The following NUP210 variants were observed in gnomAD, a reference collection of about 807,000 sequenced individuals.
The protein encoded by NUP210 is nucleoporin 210.
In NUP210, 151 loss-of-function variants were observed where a neutral mutation model predicts 196.0. The ratio of observed to expected loss-of-function variants is 0.77; its 90% CI spans 0.67 to 0.88. The LOEUF (loss-of-function observed/expected upper bound fraction) is 0.88, where lower values mean the gene tolerates loss of function less well. Ranked by LOEUF, NUP210 falls within the 40% of genes least tolerant of loss-of-function variation. The pLI is 0.00. For synonymous variants in NUP210, 1,070 were observed against 1,052.7 expected (o/e 1.02, Z -0.32); for missense variants, 2,314 against 2,493.7 (o/e 0.93, Z 1.53).
At position 13,378,955 on chromosome 3, in the gene NUP210, C is replaced by T. The variant is rs1699014474; in HGVS notation, c.1002G>A (p.Arg334=). 1.2e-6 allele frequency: 2 copies of T among 1,613,978 alleles called. No individual in the cohort carries two copies. The highest frequency in any genetic ancestry group is 1.3e-5 in the African/African-American group (1 of 74,918). ...CCACGTAGATAGTGCTGTTGGGTAA[C>T]CTAGAAGCACCTTGCATGCGAATAC... ...HRSIRMQGAS[R]LPNSTIYVVE... The change falls in exon 8 of 40, where the codon AGG becomes AGA. Residue 334 remains arginine, a synonymous_variant. Coordinates refer to ENST00000254508, the MANE Select transcript of NUP210 (RefSeq NM_024923.4).
At chr3:13,351,262 A>C (rs1324761149) in intron 20 of NUP210, among the ~76,000 whole-genome samples, 1 of 152,242 alleles carries the variant, frequency 6.6e-6, no homozygotes, top group South Asian at 2.1e-4. Flanking sequence ...AAAATAGAGA[A>C]AGGTGAGACA....
Position 13,384,650 on chromosome 3 carries a change from T to C in NUP210, c.817+1625A>G, listed in dbSNP as rs144234829. On this transcript the variant is annotated intron_variant, in intron 6 of 39. Coordinates refer to ENST00000254508, the MANE Select transcript of NUP210 (RefSeq NM_024923.4). The stretch of plus-strand genomic sequence containing the variant: ...GAGGAAATGTTCAGTCATGGTTAGG[T>C]GCTGTCAGCAGTGACTAGGCTCTCC... Among the ~76,000 whole-genome samples the C allele has an allele frequency of 3.3e-4, 51 of 152,364 alleles. No individual in the cohort carries two copies. In the East Asian group the frequency reaches 9.4e-3, roughly 28 times the overall value.
chr3:13,318,978 T>G, intron 39 of NUP210, 94 bp downstream of exon 39: 7 of 1,245,336 alleles, frequency 5.6e-6, no homozygotes, highest in African/African-American at 1.5e-5. Flanking sequence ...AAGGGCCTGT[T>G]GAGACTTAGG....
At chr3:13,338,083 G>C (rs961881201) in intron 25 of NUP210, among the ~76,000 whole-genome samples, 166 bp from the exon 26 acceptor site, 1 of 152,210 alleles carries the variant, frequency 6.6e-6, no homozygotes, top group African/African-American at 2.4e-5. Context: ...CTGGCTTTGT[G>C]AGTGGCTCTC....
At chr3:13,332,174 G>C in intron 29 of NUP210, 119 bp downstream of exon 29, 1 of 760,954 alleles carries the variant, frequency 1.3e-6, no homozygotes, top group Non-Finnish European at 2.3e-6. Context: ...CCCATTCCAA[G>C]CACAGCAGGA....
intron 10 of NUP210, 77 bp from the exon 11 acceptor site, chr3:13,375,718 C>T (rs1418699236): frequency 5.4e-6 from 8 of 1,491,450 alleles, no homozygotes; most frequent in South Asian, 2.4e-5. Context: ...CGGACCCCCA[C>T]CCCTCCCTGG....
chr3:13,359,437 C>A (rs925066040), intron 15 of NUP210, among the ~76,000 whole-genome samples: 1 of 152,196 alleles, frequency 6.6e-6, no homozygotes. Context: ...CACCAGGCAT[C>A]TTTTCTGGCC....
chr3:13,366,807 G>A (rs112249754), intron 13 of NUP210, among the ~76,000 whole-genome samples: 5,161 of 150,114 alleles, frequency 0.034, 126 homozygotes, highest in East Asian at 0.077. Context: ...ATGAGCCACC[G>A]CACCCGGCCC....
At chr3:13,342,247 G>C in intron 21 of NUP210, 124 bp from the exon 22 acceptor site, 1 of 1,228,584 alleles carries the variant, frequency 8.1e-7, no homozygotes, top group Non-Finnish European at 1.1e-6. Context: ...AATCAGGAGA[G>C]TCACCCAGGT....
At chr3:13,318,087 C>T (rs1052519993) in intron 39 of NUP210, among the ~76,000 whole-genome samples, 1 of 152,228 alleles carries the variant, frequency 6.6e-6, no homozygotes, top group African/African-American at 2.4e-5. Flanking sequence ...CCCCGTGCAT[C>T]TGAATGCAAT....
intron 15 of NUP210, among the ~76,000 whole-genome samples, chr3:13,358,849 A>T (rs1698276080): frequency 6.6e-6 from 1 of 152,234 alleles, no homozygotes; most frequent in African/African-American, 2.4e-5. Flanking sequence ...TCTGCAGGAC[A>T]ACGCCCAGGA....
chr3:13,338,152 G>T (rs1697306148), intron 25 of NUP210, among the ~76,000 whole-genome samples: 1 of 152,194 alleles, frequency 6.6e-6, no homozygotes, highest in Non-Finnish European at 1.5e-5. Context: ...CCAGTCCCCT[G>T]AGGCTGCTGC....
intron 6 of NUP210, among the ~76,000 whole-genome samples, chr3:13,383,040 G>A (rs564073166): frequency 6.6e-6 from 1 of 152,058 alleles, no homozygotes; most frequent in African/African-American, 2.4e-5. Flanking sequence ...GCTACTCAGG[G>A]GTGTGAGGTG....
At chr3:13,321,931 A>G in intron 35 of NUP210, 96 bp from the exon 36 acceptor site, 2 of 1,506,386 alleles carry the variant, frequency 1.3e-6, no homozygotes, top group Non-Finnish European at 1.8e-6. Context: ...ATTCCTATGC[A>G]TCCTCCAAAG....
chr3:13,330,315 A>G (rs1200528024), intron 30 of NUP210, 145 bp downstream of exon 30: 1 of 738,788 alleles, frequency 1.4e-6, no homozygotes, highest in Admixed American at 2.4e-5. Flanking sequence ...TTATCTACCT[A>G]GGACCTTTGC....
At chr3:13,333,508 G>A (rs1006984945) in intron 28 of NUP210, among the ~76,000 whole-genome samples, 2 of 152,210 alleles carry the variant, frequency 1.3e-5, no homozygotes, top group Non-Finnish European at 2.9e-5. Context: ...CAGCTCCTCT[G>A]TGCTCTGTCC....
chr3:13,407,183 G>C (rs1006206325), intron 1 of NUP210, among the ~76,000 whole-genome samples: 1 of 152,152 alleles, frequency 6.6e-6, no homozygotes, highest in Non-Finnish European at 1.5e-5. Flanking sequence ...AAAAAGGAGG[G>C]GGCTCCCAAA....
intron 4 of NUP210, 95 bp downstream of exon 4, chr3:13,391,116 A>T: frequency 1.2e-6 from 1 of 810,908 alleles, no homozygotes; most frequent in Non-Finnish European, 2.1e-6. Context: ...CTCCTCAATG[A>T]CCCAGATGAA....
chr3:13,384,120 A>G lies in NUP210; in HGVS notation c.817+2155T>C, dbSNP rs573210660. The stretch of plus-strand genomic sequence containing the variant: ...TGGGATTACAGGCGTGCGCCACCAC[A>G]CCTGGCCAATTTTTGTATTTTTAGT... On this transcript the variant is annotated intron_variant, in intron 6 of 39. Coordinates refer to ENST00000254508, the MANE Select transcript of NUP210 (RefSeq NM_024923.4). 2.0e-3 allele frequency among the ~76,000 whole-genome samples: 298 copies of G among 151,812 alleles called. 1 individual carries two copies. The highest frequency in any genetic ancestry group is 6.9e-3 in the African/African-American group (284 of 41,366).
Sources: allele counts gnomAD v4.1 joint callset (sites outside exome capture counted in the v4.1 genomes callset), GRCh38; gene constraint gnomAD v4.1.1; transcripts MANE v1.5; gene names NCBI Gene and HGNC (gene_info 2026-07-23, HGNC 2026-07-21).